The following ZFTA variants were observed in gnomAD, a reference collection of about 807,000 sequenced individuals.
The protein encoded by ZFTA is zinc finger translocation-associated protein.
ZFTA carries 35 observed loss-of-function variants against 41.8 expected under a neutral mutation model. That is an observed-to-expected ratio of 0.84 (90% CI 0.64 to 1.11). The LOEUF (loss-of-function observed/expected upper bound fraction) is 1.11. Ranked by LOEUF, ZFTA falls within the 50% of genes most tolerant of loss-of-function variation. ZFTA has a pLI of 0.00. For synonymous variants in ZFTA, 514 were observed against 436.4 expected, an observed-to-expected ratio of 1.18 and a Z score of -2.22; for missense variants, 964 against 989.8, an observed-to-expected ratio of 0.97 and a Z score of 0.35.
In ZFTA at chr11:63,765,927, G is replaced by A. The variant is rs1422662953; in HGVS notation, c.517C>T (p.Leu173=). The A allele has an allele frequency of 1.9e-6, 3 of 1,551,604 alleles. No homozygotes were observed. The highest frequency in any genetic ancestry group is 2.4e-5 in the South Asian group (2 of 84,052). ...CCCTCGGCCTCTCCGCAGGCCCCCA[G>A]CCCCAGGTGTGCATCCCAGCTGTTG... ...ISNSWDAHLG[L]GACGEAEGLG... is the part of the protein sequence containing the mutation. Residue 173 remains leucine (L), a synonymous_variant, in exon 2 of 5, where the codon CTG becomes TTG. Coordinates refer to ENST00000433688, the MANE Select transcript of ZFTA (RefSeq NM_001144936.2). The surrounding 1 kb of genome is among the most constrained non-coding windows in gnomAD (Gnocchi z 4.0).
rs529843477 is a variant in ZFTA at position 63,764,086 on chromosome 11, C to T, written c.1537G>A (p.Gly513Arg). Reference protein sequence around the residue: ...PPGTAAASDEGGGDEEEEPEE... With the variant: ...PPGTAAASDERGGDEEEEPEE... ...GGCTCCTCCTCCTCGTCCCCTCCCC[C>T]CTCGTCGGAGGCTGCGGCAGTGCCG... Residue 513 changes from glycine (G) to arginine (R), a missense_variant, in exon 4 of 5, where the codon GGG becomes AGG. By Grantham distance (125) the Gly-to-Arg change is moderately radical. Transcript: ENST00000433688. 7.4e-7 allele frequency: 1 copy of T among 1,347,940 alleles called. No homozygotes were observed. Among genetic ancestry groups the T allele is most frequent in the African/African-American group, 1.5e-5 (1 of 64,960 alleles). The allele number at this position is 1,347,940 out of a possible 1,614,324, so 83.5% of individuals were successfully genotyped here.
In ZFTA at chr11:63,764,127, T is replaced by C; in HGVS notation, c.1496A>G (p.Gln499Arg). 2 of 1,329,248 alleles carry C rather than the reference T, an allele frequency of 1.5e-6. No individual in the cohort carries two copies. Among genetic ancestry groups the C allele is most frequent in the Non-Finnish European group, 1.9e-6 (2 of 1,044,872 alleles). 82.3% of individuals were successfully genotyped at this position (1,329,248 alleles called of 1,614,324 possible). Residue 499 changes from glutamine (Q) to arginine (R), a missense_variant, in exon 4 of 5, where the codon CAG becomes CGG. Coordinates refer to ENST00000433688, the MANE Select transcript of ZFTA (RefSeq NM_001144936.2). ...ALGPPRPESP[Q>R]GPIPPGTAAA... is the part of the protein sequence containing the mutation. ...GGCAGTGCCGGGGGGGATGGGGCCC[T>C]GGGGGGACTCGGGGCGGGGCGGCCC... is the stretch of plus-strand genomic sequence containing the variant.
At chr11:63,766,376 G>A in intron 1 of ZFTA, 72 bp from the exon 2 acceptor site, 2 of 1,398,802 alleles carry the variant, frequency 1.4e-6, no homozygotes, top group Non-Finnish European at 1.8e-6. Context: ...CTTTGATGGT[G>A]AGCCCTGAGA....
rs2014721709 is a variant in ZFTA at position 63,765,029 on chromosome 11, C to T, written c.863G>A (p.Cys288Tyr). The T allele has an allele frequency of 6.5e-7, 1 of 1,548,946 alleles. No homozygotes were observed. The highest frequency in any genetic ancestry group is 2.4e-5 in the East Asian group (1 of 40,876). ...GTGCAGGCTGGGCAGTGCCCGGCCA[C>T]AGGCCATGCACACCAGCCGGTTCCC... ...PRGNRLVCMA[C>Y]GRALPSLHLD... Residue 288 changes from cysteine to tyrosine, a missense_variant, in exon 3 of 5, where the codon TGT becomes TAT. Around this residue, in one of 5 missense-constraint regions of ZFTA, gnomAD observed 584 missense variants for 523.1 expected, o/e 1.12. Transcript: ENST00000433688. The surrounding 1 kb of genome is among the most constrained non-coding windows in gnomAD (Gnocchi z 4.0).
At position 63,762,356 on chromosome 11, in the gene ZFTA, G is replaced by A. The variant is rs2014657013; in HGVS notation, c.*1062C>T. ...AGAGCAAAAAAGGGCCTGATCTCGG[G>A]GCCACCTGTTCTCCACAGGAGAATG... On this transcript the variant is annotated 3_prime_UTR_variant, in exon 5 of 5. Coordinates refer to ENST00000433688, the MANE Select transcript of ZFTA (RefSeq NM_001144936.2). 1 of 152,042 alleles carries A rather than the reference G, an allele frequency of 6.6e-6. No individual in the cohort carries two copies. Among genetic ancestry groups the A allele is most frequent in the Non-Finnish European group, 1.5e-5 (1 of 68,000 alleles). The allele number at this position is 152,042 out of a possible 1,614,324, so 9.4% of individuals were successfully genotyped here. A position where few individuals can be genotyped will look rare whatever the true frequency, so the allele number is the denominator to read the frequency against.
At position 63,764,089 on chromosome 11, in the gene ZFTA, C is replaced by G; in HGVS notation, c.1534G>C (p.Glu512Gln). 3 of 1,344,602 alleles carry G rather than the reference C, an allele frequency of 2.2e-6. No individual in the cohort carries two copies. Among genetic ancestry groups the G allele is most frequent in the Non-Finnish European group, 2.8e-6 (3 of 1,053,068 alleles). 83.3% of individuals were successfully genotyped at this position (1,344,602 alleles called of 1,614,324 possible). ...TCCTCCTCCTCGTCCCCTCCCCCCT[C>G]GTCGGAGGCTGCGGCAGTGCCGGGG... ...IPPGTAAASD[E>Q]GGGDEEEEPE... The change falls in exon 4 of 5, where the codon GAG becomes CAG. Residue 512 changes from glutamate to glutamine, a missense_variant. Coordinates refer to ENST00000433688, the MANE Select transcript of ZFTA (RefSeq NM_001144936.2).
Position 63,768,644 on chromosome 11 carries a change from CCCCGGGGCGGCGGGG to C in ZFTA, c.-37_-23del, listed in dbSNP as rs1373612613. On this transcript the variant is annotated 5_prime_UTR_variant, in exon 1 of 5. Transcript: ENST00000433688. ...CCATGCGCTGCGCTGCGGAGCGGGG[CCCCGGGGCGGCGGGG>C]CGCGGGGCCGCGGGGCCGGCGGCAG... 10 of 977,996 alleles carry C rather than the reference CCCCGGGGCGGCGGGG, an allele frequency of 1.0e-5. No individual in the cohort carries two copies. The highest frequency in any genetic ancestry group is 1.1e-5 in the Non-Finnish European group (9 of 827,104). The allele number at this position is 977,996 out of a possible 1,614,324, so 60.6% of individuals were successfully genotyped here. A position where few individuals can be genotyped will look rare whatever the true frequency, so the allele number is the denominator to read the frequency against.
At chr11:63,768,357 A>T (rs2135099779) in intron 1 of ZFTA, 127 bp downstream of exon 1, 1 of 446,606 alleles carries the variant, frequency 2.2e-6, no homozygotes, top group Non-Finnish European at 3.0e-6. Flanking sequence ...CGCGCCCACC[A>T]GGTGGCGCCC....
In ZFTA at chr11:63,765,570, A is replaced by G. The variant is rs1402739254; in HGVS notation, c.637+237T>C. ...AAGCCTTTCCACTGCCTGTCACCCAACTTCTCTCCTTGATACTTCAAAAAC... is the reference window on the plus strand; with the variant it reads ...AAGCCTTTCCACTGCCTGTCACCCAGCTTCTCTCCTTGATACTTCAAAAAC... On this transcript the variant is annotated intron_variant, in intron 2 of 4. Coordinates refer to ENST00000433688, the MANE Select transcript of ZFTA (RefSeq NM_001144936.2). This position sits in a 1 kb window ranked among gnomAD's most constrained non-coding sequence, Gnocchi z 4.0. 1.3e-5 allele frequency among the ~76,000 whole-genome samples: 2 copies of G among 151,752 alleles called. No homozygotes were observed. The highest frequency in any genetic ancestry group is 2.1e-4 in the South Asian group (1 of 4,806).
Position 63,764,525 on chromosome 11 carries a change from A to G in ZFTA, c.1098T>C (p.Ser366=). The part of the protein sequence containing the change: ...DSASAAGAPS[S]QDLSPPDVKE... Reference sequence around the variant, plus strand: ...TTACGTCTGGGGGGCTGAGATCCTGAGAGGAGGGGGCTCCAGCAGCGGAGG... The same window carrying G: ...TTACGTCTGGGGGGCTGAGATCCTGGGAGGAGGGGGCTCCAGCAGCGGAGG... The change falls in exon 4 of 5, where the codon TCT becomes TCC. Residue 366 remains serine (S), a synonymous_variant. Transcript: ENST00000433688. 1 of 1,257,016 alleles carries G rather than the reference A, an allele frequency of 8.0e-7. No individual in the cohort carries two copies. Among genetic ancestry groups the G allele is most frequent in the Non-Finnish European group, 1.0e-6 (1 of 995,394 alleles). The allele number at this position is 1,257,016 out of a possible 1,614,324, so 77.9% of individuals were successfully genotyped here.
chr11:63,763,800 CCGTCCTCTTCGT>C lies in ZFTA; in HGVS notation c.1643_1654del (p.Asp548_Asp551del), dbSNP rs2014694080. On this transcript the variant is annotated inframe_deletion, in exon 5 of 5. Coordinates refer to ENST00000433688, the MANE Select transcript of ZFTA (RefSeq NM_001144936.2). ...CAAGGCGAGTCCCCCAGGCTCCTGG[CCGTCCTCTTCGT>C]CCTCCTCTTCTTCGGCGGGCCGCTC... 1 of 1,453,032 alleles carries C rather than the reference CCGTCCTCTTCGT, an allele frequency of 6.9e-7. No individual in the cohort carries two copies. The highest frequency in any genetic ancestry group is 1.5e-5 in the African/African-American group (1 of 67,804). 90.0% of individuals were successfully genotyped at this position (1,453,032 alleles called of 1,614,324 possible).
Position 63,765,137 on chromosome 11 carries a change from C to T in ZFTA, c.755G>A (p.Gly252Glu). 6.5e-7 allele frequency: 1 copy of T among 1,547,468 alleles called. No homozygotes were observed. The highest frequency in any genetic ancestry group is 1.2e-5 in the South Asian group (1 of 83,930). Reference sequence around the variant, plus strand: ...CAGCCTCCTCTCCAGGCGCCGGGCCCCCAGCCCCCTGCTGCCCCCGGCCCT... The same window carrying T: ...CAGCCTCCTCTCCAGGCGCCGGGCCTCCAGCCCCCTGCTGCCCCCGGCCCT... ...SRRAGGSRGL[G>E]ARRLERRLKE... Residue 252 changes from glycine (G) to glutamate (E), a missense_variant, in exon 3 of 5, where the codon GGG becomes GAG. Coordinates refer to ENST00000433688, the MANE Select transcript of ZFTA (RefSeq NM_001144936.2). The surrounding 1 kb of genome is among the most constrained non-coding windows in gnomAD (Gnocchi z 4.0).
In ZFTA at chr11:63,766,159, G is replaced by A. The variant is rs2014741969; in HGVS notation, c.285C>T (p.Arg95=). The A allele has an allele frequency of 1.3e-6, 2 of 1,518,236 alleles. No individual in the cohort carries two copies. Among genetic ancestry groups the A allele is most frequent in the Non-Finnish European group, 1.8e-6 (2 of 1,131,508 alleles). 94.0% of individuals were successfully genotyped at this position (1,518,236 alleles called of 1,614,324 possible). Reference sequence around the variant, plus strand: ...AGCGCCGGTGGTCACGGCCAGGGATGCGGCTCTTTCCAGGCCTCGAGGCCC... The same window carrying A: ...AGCGCCGGTGGTCACGGCCAGGGATACGGCTCTTTCCAGGCCTCGAGGCCC... ...EARASRPGKS[R]IPGRDHRRYY... is the part of the protein sequence containing the mutation. The change falls in exon 2 of 5, where the codon CGC becomes CGT. Residue 95 remains arginine (R), a synonymous_variant. Coordinates refer to ENST00000433688, the MANE Select transcript of ZFTA (RefSeq NM_001144936.2).
chr11:63,768,094 G>C (rs1410173782), intron 1 of ZFTA, among the ~76,000 whole-genome samples: 1 of 152,172 alleles, frequency 6.6e-6, no homozygotes, highest in Non-Finnish European at 1.5e-5. Context: ...GGGACCCAGG[G>C]TCTGGGCGGA....
chr11:63,764,631 G>A, intron 3 of ZFTA, 33 bp from the exon 4 acceptor site: 1 of 1,263,974 alleles, frequency 7.9e-7, no homozygotes, highest in South Asian at 3.4e-5. Context: ...GAGGGGCTCA[G>A]CCTGCTGGCT....
chr11:63,766,430 G>A (rs2014747053), intron 1 of ZFTA, 126 bp from the exon 2 acceptor site: 2 of 1,067,080 alleles, frequency 1.9e-6, no homozygotes, highest in Non-Finnish European at 2.5e-6. Flanking sequence ...GAAAGGGACG[G>A]CAACAGCAAT....
At position 63,765,020 on chromosome 11, in the gene ZFTA, G is replaced by T; in HGVS notation, c.872C>A (p.Ala291Glu). 1.3e-6 allele frequency: 2 copies of T among 1,548,954 alleles called. No individual in the cohort carries two copies. The highest frequency in any genetic ancestry group is 1.7e-6 in the Non-Finnish European group (2 of 1,146,556). Residue 291 changes from alanine (A) to glutamate (E), a missense_variant, in exon 3 of 5, where the codon GCA (alanine) becomes GAA (glutamate). By Grantham distance (107) the Ala-to-Glu change is moderately radical (BLOSUM62 -1). This residue lies in a region of ZFTA where 584 missense variants were observed against 523.1 expected (regional missense o/e 1.12). Coordinates refer to ENST00000433688, the MANE Select transcript of ZFTA (RefSeq NM_001144936.2). This position sits in a 1 kb window ranked among gnomAD's most constrained non-coding sequence, Gnocchi z 4.0. ...GTCGTCCAGGTGCAGGCTGGGCAGTGCCCGGCCACAGGCCATGCACACCAG... is the reference window on the plus strand; with the variant it reads ...GTCGTCCAGGTGCAGGCTGGGCAGTTCCCGGCCACAGGCCATGCACACCAG... Reference protein sequence around the residue: ...NRLVCMACGRALPSLHLDDIR... With the variant: ...NRLVCMACGRELPSLHLDDIR...
In ZFTA at chr11:63,763,685, C is replaced by T. The variant is rs1261922352; in HGVS notation, c.1770G>A (p.Leu590=). 4.6e-6 allele frequency: 7 copies of T among 1,533,934 alleles called. No individual in the cohort carries two copies. In the South Asian group the frequency reaches 8.5e-5, roughly 19 times the overall value. Residue 590 remains leucine (L), a synonymous_variant, in exon 5 of 5, where the codon CTG becomes CTA. Coordinates refer to ENST00000433688, the MANE Select transcript of ZFTA (RefSeq NM_001144936.2). ...CGCGCCGGCTGCCGTCGTAGTCCAT[C>T]AGGTACTCGCCCCGCCACCGCGGCT... ...NYQPRWRGEY[L]MDYDGSRRGL... is the part of the protein sequence containing the mutation.
In ZFTA at chr11:63,766,338, C is replaced by G. The variant is rs748363649; in HGVS notation, c.140-34G>C. 4 of 1,406,626 alleles carry G rather than the reference C, an allele frequency of 2.8e-6. No homozygotes were observed. In the African/African-American group the frequency reaches 5.9e-5, roughly 21 times the overall value. 87.1% of individuals were successfully genotyped at this position (1,406,626 alleles called of 1,614,324 possible). A position where few individuals can be genotyped will look rare whatever the true frequency, so the allele number is the denominator to read the frequency against. ...GGGGAAAGGGAGACAGTTTTTCAAT[C>G]TCTGATTTCCAGGGAAAGAGGCGAG... is the stretch of plus-strand genomic sequence containing the variant. On this transcript the variant is annotated intron_variant, in intron 1 of 4. Coordinates refer to ENST00000433688, the MANE Select transcript of ZFTA (RefSeq NM_001144936.2).
Sources: gnomAD v4.1 joint callset for allele counts (sites outside exome capture counted in the v4.1 genomes callset) on GRCh38, gnomAD v4.1.1 for gene constraint, gnomAD v4.1.1 regional missense constraint, Gnocchi (gnomAD v3.1) non-coding constraint, MANE v1.5 for transcripts, NCBI Gene and HGNC (gene_info 2026-07-23, HGNC 2026-07-21) for gene names.